The following GCNT2 variants were observed in gnomAD, a reference collection of about 807,000 sequenced individuals.
GCNT2 encodes N-acetyllactosaminide beta-1,6-N-acetylglucosaminyl-transferase.
A neutral mutation model predicts 34.2 loss-of-function variants in GCNT2; 34 were observed. That is an observed-to-expected ratio of 1.00 (90% CI 0.76 to 1.32). The LOEUF (loss-of-function observed/expected upper bound fraction) is 1.32. Among genes scored for constraint, GCNT2 ranks in the 40% most tolerant of loss-of-function variants. The pLI, the probability that GCNT2 is intolerant of heterozygous loss-of-function variation, is 0.00. For synonymous variants in GCNT2, 212 were observed against 188.0 expected, an observed-to-expected ratio of 1.13 and a Z score of -1.04; for missense variants, 584 against 489.4, an observed-to-expected ratio of 1.19 and a Z score of -1.82.
At position 10,523,431 on chromosome 6, in the gene GCNT2, GAAA is replaced by G. The variant is rs34628756; in HGVS notation, c.-469+2029_-469+2031del. On this transcript the variant is annotated intron_variant, in intron 1 of 4. Coordinates refer to ENST00000495262, the MANE Select transcript of GCNT2 (RefSeq NM_145649.5). Reference sequence around the variant, plus strand: ...ACAAGAGCGAAACTCCGTCTCAAAAGAAAAAAAAAAAAAAAAAGACCAGCTTTC... The same window carrying G: ...ACAAGAGCGAAACTCCGTCTCAAAAGAAAAAAAAAAAAAAGACCAGCTTTC... 1.6e-3 allele frequency among the ~76,000 whole-genome samples: 198 copies of G among 122,484 alleles called. 2 individuals carry two copies. Among genetic ancestry groups the G allele is most frequent in the African/African-American group, 3.9e-3 (126 of 32,378 alleles). The allele number at this position is 122,484 out of a possible 152,430, so 80.4% of individuals were successfully genotyped here.
intron 4 of GCNT2, 27 bp from the exon 5 acceptor site, chr6:10,626,390 C>T (rs1410714092): frequency 6.4e-7 from 1 of 1,552,754 alleles, no homozygotes; most frequent in Admixed American, 1.7e-5. Context: ...CATGTTTTGA[C>T]TCTGTTTCTT....
At chr6:10,568,845 T>C (rs1370481398) in intron 3 of GCNT2, among the ~76,000 whole-genome samples, 1 of 152,164 alleles carries the variant, frequency 6.6e-6, no homozygotes, top group Non-Finnish European at 1.5e-5. Context: ...CATCTCTCCA[T>C]TTAAATAATG....
chr6:10,621,104 T>C (rs1165671843), intron 3 of GCNT2, among the ~76,000 whole-genome samples: 1 of 152,184 alleles, frequency 6.6e-6, no homozygotes, highest in Non-Finnish European at 1.5e-5. Context: ...TGTATTAGTA[T>C]ATTGATTTGT....
chr6:10,574,689 TTTTG>T (rs546115117), intron 3 of GCNT2: 100 of 374,014 alleles, frequency 2.7e-4, no homozygotes, highest in Admixed American at 3.6e-4. Flanking sequence ...CAAGAATGTT[TTTTG>T]TTTGTTTGTT....
chr6:10,557,804 C>G lies in GCNT2; in HGVS notation c.925+27968C>G, dbSNP rs1381514319. Reference sequence around the variant, plus strand: ...ACCATGCCTAGCCCAGAATGATGTTCTTTATGTGATAATTCACATGTTCTA... The same window carrying G: ...ACCATGCCTAGCCCAGAATGATGTTGTTTATGTGATAATTCACATGTTCTA... On this transcript the variant is annotated intron_variant, in intron 3 of 4. Transcript: ENST00000495262. Among the ~76,000 whole-genome samples, 3 of 152,190 alleles carry G rather than the reference C, an allele frequency of 2.0e-5. No individual in the cohort carries two copies. In the East Asian group the frequency reaches 5.8e-4, roughly 29 times the overall value.
chr6:10,607,194 G>A (rs1030217210), intron 3 of GCNT2, among the ~76,000 whole-genome samples: 6 of 151,744 alleles, frequency 4.0e-5, no homozygotes, highest in Admixed American at 2.6e-4. Flanking sequence ...GTGATCTGCC[G>A]AGACTGGGTA....
intron 3 of GCNT2, among the ~76,000 whole-genome samples, chr6:10,603,768 G>A (rs1765182694): frequency 1.3e-5 from 2 of 150,278 alleles, no homozygotes; most frequent in Admixed American, 6.6e-5. Context: ...ACCTGCCTCA[G>A]CTTCCCAAAG....
At chr6:10,542,918 T>TA (rs1554127854) in intron 3 of GCNT2, among the ~76,000 whole-genome samples, 141 of 141,550 alleles carry the variant, frequency 1.0e-3, no homozygotes, top group African/African-American at 3.3e-3. Context: ...TTTTTTTTTT[T>TA]AATTTTGAGA....
Position 10,528,692 on chromosome 6 carries a change from T to A in GCNT2, c.-220T>A. 1.7e-6 allele frequency: 1 copy of A among 596,272 alleles called. No individual in the cohort carries two copies. The highest frequency in any genetic ancestry group is 3.0e-6 in the Non-Finnish European group (1 of 336,690). 36.9% of individuals were successfully genotyped at this position (596,272 alleles called of 1,614,324 possible). Reference sequence around the variant, plus strand: ...AAATGCAAAGGAGCCACTTCAGAAATGTGTCACAGAAAAGTGAAAATGCAA... The same window carrying A: ...AAATGCAAAGGAGCCACTTCAGAAAAGTGTCACAGAAAAGTGAAAATGCAA... On this transcript the variant is annotated 5_prime_UTR_variant, in exon 3 of 5. The change abolishes an upstream ATG in the 5' untranslated region. Transcript: ENST00000495262.
chr6:10,560,774 A>C (rs1436920624), intron 3 of GCNT2, among the ~76,000 whole-genome samples: 1 of 151,758 alleles, frequency 6.6e-6, no homozygotes, highest in Non-Finnish European at 1.5e-5. Flanking sequence ...ACTGAGAGTG[A>C]CTTCTCTTTT....
At chr6:10,542,124 TA>T (rs1762061615) in intron 3 of GCNT2, among the ~76,000 whole-genome samples, 1 of 152,146 alleles carries the variant, frequency 6.6e-6, no homozygotes, top group Non-Finnish European at 1.5e-5. Context: ...ACCTGCAATG[TA>T]AAATTTAAAA....
intron 3 of GCNT2, among the ~76,000 whole-genome samples, chr6:10,550,922 C>T (rs1378524929): frequency 1.3e-5 from 2 of 152,202 alleles, no homozygotes; most frequent in East Asian, 3.8e-4. Flanking sequence ...TACCCTTATC[C>T]TCAAGCTACA....
chr6:10,553,912 A>G (rs1762585319), intron 3 of GCNT2, among the ~76,000 whole-genome samples: 1 of 152,206 alleles, frequency 6.6e-6, no homozygotes, highest in African/African-American at 2.4e-5. Flanking sequence ...AAAACCAAAC[A>G]TACCTCAAAT....
chr6:10,611,978 GT>G (rs377351513), intron 3 of GCNT2, among the ~76,000 whole-genome samples: 132 of 147,498 alleles, frequency 8.9e-4, no homozygotes, highest in African/African-American at 2.9e-3. Flanking sequence ...TTTTTGTGGG[GT>G]TTTTTTTTTG....
intron 3 of GCNT2, among the ~76,000 whole-genome samples, chr6:10,549,575 T>TC (rs1164520472): frequency 7.1e-6 from 1 of 141,314 alleles, no homozygotes; most frequent in Non-Finnish European, 1.5e-5. Context: ...TTTTTTTTTT[T>TC]TTTTTTTTTT....
intron 3 of GCNT2, among the ~76,000 whole-genome samples, chr6:10,606,229 C>T (rs769711007): frequency 1.1e-4 from 16 of 152,190 alleles, no homozygotes; most frequent in Admixed American, 2.0e-4. Context: ...GCAGGAGAAT[C>T]GCTTGAACCC....
chr6:10,609,206 G>C (rs57090453), intron 3 of GCNT2, among the ~76,000 whole-genome samples: 12 of 152,180 alleles, frequency 7.9e-5, no homozygotes, highest in Admixed American at 2.6e-4. Context: ...AAGAAAAGAG[G>C]TTTATCTGGC....
chr6:10,548,744 G>A (rs1452591606), intron 3 of GCNT2, among the ~76,000 whole-genome samples: 1 of 151,972 alleles, frequency 6.6e-6, no homozygotes, highest in African/African-American at 2.4e-5. Context: ...TGCATAGAGA[G>A]AAGAACCCAT....
chr6:10,582,493 T>C (rs1764161872), intron 3 of GCNT2, among the ~76,000 whole-genome samples: 1 of 121,130 alleles, frequency 8.3e-6, no homozygotes. Context: ...TATACTATAA[T>C]ATATAATATA....
Sources: allele counts gnomAD v4.1 joint callset (sites outside exome capture counted in the v4.1 genomes callset), GRCh38; gene constraint gnomAD v4.1.1; transcripts MANE v1.5; gene names NCBI Gene and HGNC (gene_info 2026-07-23, HGNC 2026-07-21).